The following AQR variants were observed in gnomAD, a reference collection of about 807,000 sequenced individuals.
AQR encodes the protein aquarius intron-binding spliceosomal factor.
A neutral mutation model predicts 180.5 loss-of-function variants in AQR; 61 were observed. The ratio of observed to expected loss-of-function variants is 0.34; its 90% CI spans 0.28 to 0.42. The LOEUF is 0.42. AQR is among the 10% of genes least tolerant of loss of function. The pLI is 1.00. For synonymous variants in AQR, 551 were observed against 588.8 expected, an observed-to-expected ratio of 0.94 and a Z score of 0.93; for missense variants, 1,281 against 1,798.3, an observed-to-expected ratio of 0.71 and a Z score of 5.20.
chr15:34,897,758 T>C (rs1893271007), intron 20 of AQR, 53 bp from the exon 21 acceptor site: 18 of 1,583,978 alleles, frequency 1.1e-5, no homozygotes, highest in Non-Finnish European at 1.3e-5. Context: ...ATTTACTGAG[T>C]ACCTATCTGG....
In AQR at chr15:34,852,906, A is replaced by C. The variant is rs1484515370; in HGVS notation, c.*3886T>G. 1 of 152,242 alleles carries C rather than the reference A, an allele frequency of 6.6e-6. No individual in the cohort carries two copies. 9.4% of individuals were successfully genotyped at this position (152,242 alleles called of 1,614,324 possible). A position where few individuals can be genotyped will look rare whatever the true frequency, so the allele number is the denominator to read the frequency against. Reference sequence around the variant, plus strand: ...AGAGATAAGTGAATAAAGCTGGCACACTGTCAGTCCGGAGTACCATGCTGC... The same window carrying C: ...AGAGATAAGTGAATAAAGCTGGCACCCTGTCAGTCCGGAGTACCATGCTGC... On this transcript the variant is annotated 3_prime_UTR_variant, in exon 35 of 35. Transcript: ENST00000156471.
At chr15:34,910,005 T>A (rs895801810) in intron 17 of AQR, 130 bp downstream of exon 17, 11 of 1,098,994 alleles carry the variant, frequency 1.0e-5, no homozygotes, top group South Asian at 1.8e-5. Flanking sequence ...ATTCTTTAAA[T>A]CAAATTTCAA....
At chr15:34,875,604 A>G (rs1892878697) in intron 28 of AQR, among the ~76,000 whole-genome samples, 2 of 152,206 alleles carry the variant, frequency 1.3e-5, no homozygotes, top group Non-Finnish European at 2.9e-5. Context: ...TTCTACAAAC[A>G]ATTATAACAA....
chr15:34,912,843 C>G (rs1893520826), intron 16 of AQR, among the ~76,000 whole-genome samples: 1 of 152,142 alleles, frequency 6.6e-6, no homozygotes, highest in Admixed American at 6.6e-5. Context: ...AGATAAACTG[C>G]CTCCTATGTA....
chr15:34,932,255 G>T, intron 11 of AQR, 63 bp downstream of exon 11: 2 of 1,389,038 alleles, frequency 1.4e-6, no homozygotes, highest in South Asian at 1.2e-5. Flanking sequence ...CCAGTTGTGT[G>T]GCAAAGAAAA....
Position 34,854,049 on chromosome 15 carries a change from A to G in AQR, c.*2743T>C, listed in dbSNP as rs1411906343. On this transcript the variant is annotated 3_prime_UTR_variant, in exon 35 of 35. Coordinates refer to ENST00000156471, the MANE Select transcript of AQR (RefSeq NM_014691.3). ...AAACATCTCAACTTTTATTACACCA[A>G]CTTTGGGAGTCTTGATGATGTTTAA... 1 of 151,820 alleles carries G rather than the reference A, an allele frequency of 6.6e-6. No individual in the cohort carries two copies. Among genetic ancestry groups the G allele is most frequent in the Non-Finnish European group, 1.5e-5 (1 of 67,984 alleles). 9.4% of individuals were successfully genotyped at this position (151,820 alleles called of 1,614,324 possible).
rs1014988403 is a variant in AQR at position 34,854,255 on chromosome 15, A to G, written c.*2537T>C. The G allele has an allele frequency of 6.6e-6, 1 of 152,184 alleles. No individual in the cohort carries two copies. The highest frequency in any genetic ancestry group is 1.5e-5 in the Non-Finnish European group (1 of 68,024). The allele number at this position is 152,184 out of a possible 1,614,324, so 9.4% of individuals were successfully genotyped here. A position where few individuals can be genotyped will look rare whatever the true frequency, so the allele number is the denominator to read the frequency against. ...TGGCTCTTTTTGGTTTTCTTTACAA[A>G]GAGATTCTAAAATCATGACACATTT... On this transcript the variant is annotated 3_prime_UTR_variant, in exon 35 of 35. Coordinates refer to ENST00000156471, the MANE Select transcript of AQR (RefSeq NM_014691.3).
intron 32 of AQR, 57 bp from the exon 33 acceptor site, chr15:34,863,098 CTTTT>C: frequency 8.7e-7 from 1 of 1,155,290 alleles, no homozygotes; most frequent in Admixed American, 2.7e-5. Context: ...ATTTAAGCAG[CTTTT>C]TTTTTTTTCA....
chr15:34,873,963 T>C lies in AQR; in HGVS notation c.3462A>G (p.Leu1154=). ...AGAGCTGCACATGGGGTAAGTTTCC[T>C]AGATTCTTGTATCGCCAGTTGTAGA... ...CNLYNWRYKN[L]GNLPHVQLLP... The change falls in exon 30 of 35, where the codon CTA becomes CTG. Residue 1154 remains leucine, a synonymous_variant. Transcript: ENST00000156471. 6.2e-7 allele frequency: 1 copy of C among 1,610,546 alleles called. No individual in the cohort carries two copies. The highest frequency in any genetic ancestry group is 8.5e-7 in the Non-Finnish European group (1 of 1,178,120).
At chr15:34,941,564 T>C (rs528217426) in intron 7 of AQR, among the ~76,000 whole-genome samples, 8 of 152,350 alleles carry the variant, frequency 5.3e-5, no homozygotes, top group South Asian at 2.1e-4. Context: ...TGAAATCTGA[T>C]AGTTTTAACT....
rs576841611 is a variant in AQR at position 34,907,618 on chromosome 15, A to G, written c.1664-906T>C. 9.8e-5 allele frequency among the ~76,000 whole-genome samples: 15 copies of G among 152,310 alleles called. No homozygotes were observed. The South Asian group carries it at 3.1e-3, about 32-fold the overall frequency. On this transcript the variant is annotated intron_variant, in intron 17 of 34. Transcript: ENST00000156471. ...GTTTGTTTTAATTGGGGGACTGGTT[A>G]GAGTATGGGTAAAGGTAGAAATAAT...
chr15:34,894,858 A>C (rs998987960), intron 22 of AQR, among the ~76,000 whole-genome samples: 21 of 152,038 alleles, frequency 1.4e-4, no homozygotes, highest in Admixed American at 1.3e-3. Flanking sequence ...CACTACACCC[A>C]AAAATATAAT....
At chr15:34,858,739 G>A (rs1277066002) in intron 34 of AQR, among the ~76,000 whole-genome samples, 1 of 152,106 alleles carries the variant, frequency 6.6e-6, no homozygotes, top group African/African-American at 2.4e-5. Flanking sequence ...GCAAAGGGAC[G>A]GATATACAGA....
chr15:34,960,804 T>A lies in AQR; in HGVS notation c.143A>T (p.Asp48Val), dbSNP rs766635227. The stretch of plus-strand genomic sequence containing the variant: ...TTTGACAATCTCTTTTTCATATATA[T>A]CTTCAATAACCTGTTATAAAAATAT... The part of the protein sequence containing the change: ...KSPFDIKVIE[D>V]IYEKEIVKSR... Residue 48 changes from aspartate to valine, a missense_variant, in exon 3 of 35, where the codon GAT becomes GTT. Physicochemically the swap from Asp to Val is radical, Grantham distance 152. This residue lies in a region of AQR where 404 missense variants were observed against 490.9 expected (regional missense o/e 0.82). Transcript: ENST00000156471. 23 of 899,414 alleles carry A rather than the reference T, an allele frequency of 2.6e-5. No homozygotes were observed. The highest frequency in any genetic ancestry group is 3.7e-5 in the Non-Finnish European group (22 of 589,510). 55.7% of individuals were successfully genotyped at this position (899,414 alleles called of 1,614,324 possible). A position where few individuals can be genotyped will look rare whatever the true frequency, so the allele number is the denominator to read the frequency against.
intron 27 of AQR, 139 bp from the exon 28 acceptor site, chr15:34,876,145 A>T: frequency 1.6e-6 from 1 of 616,358 alleles, no homozygotes; most frequent in Non-Finnish European, 2.9e-6. Flanking sequence ...AAATAACAAC[A>T]TACACATTAT....
intron 8 of AQR, 46 bp downstream of exon 8, chr15:34,940,853 A>C: frequency 1.4e-6 from 2 of 1,430,982 alleles, no homozygotes; most frequent in Non-Finnish European, 2.0e-6. Flanking sequence ...TAAGGTCCAC[A>C]ATCCAGCATA....
chr15:34,899,504 G>A (rs895409950), intron 20 of AQR, among the ~76,000 whole-genome samples: 7 of 151,490 alleles, frequency 4.6e-5, no homozygotes, highest in Non-Finnish European at 7.4e-5. Context: ...TCAGCTTCCC[G>A]AATAGCTGGG....
In AQR at chr15:34,855,144, A is replaced by G. The variant is rs3743121; in HGVS notation, c.*1648T>C. On this transcript the variant is annotated 3_prime_UTR_variant, in exon 35 of 35. Transcript: ENST00000156471. ...CGTCTCATCACTTTCATTTCCCCTC[A>G]TCACCTGACATTGACACAAATGTCC... 113,061 of 152,212 alleles carry G rather than the reference A, an allele frequency of 0.74. 42,116 individuals are homozygous for G. The highest frequency in any genetic ancestry group is 0.8 in the Middle Eastern group (235 of 292). The allele number at this position is 152,212 out of a possible 1,614,324, so 9.4% of individuals were successfully genotyped here.
rs932838386 is a variant in AQR, at chr15:34,866,459, T to C, written c.3854+1065A>G. On this transcript the variant is annotated intron_variant, in intron 32 of 34. Transcript: ENST00000156471. ...TTTAACCCTTCATTTATAAGCATTG[T>C]ATCATCAAAATCTTTCTTGTTTTCT... Among the ~76,000 whole-genome samples the C allele has an allele frequency of 7.9e-5, 12 of 152,162 alleles. 1 individual carries two copies. The highest frequency in any genetic ancestry group is 2.6e-4 in the Admixed American group (4 of 15,270).
Sources: gnomAD v4.1 joint callset for allele counts (sites outside exome capture counted in the v4.1 genomes callset) on GRCh38, gnomAD v4.1.1 for gene constraint, gnomAD v4.1.1 regional missense constraint, MANE v1.5 for transcripts, NCBI Gene and HGNC (gene_info 2026-07-23, HGNC 2026-07-21) for gene names.